The following TENM1 variants were observed in gnomAD, a reference collection of about 807,000 sequenced individuals.
The protein encoded by TENM1 is teneurin-1.
A neutral mutation model predicts 174.8 loss-of-function variants in TENM1; 35 were observed. The observed-to-expected ratio is 0.20, with a 90% CI of 0.15 to 0.27. The LOEUF is 0.27. TENM1 is among the 10% of genes least tolerant of loss of function. The pLI is 1.00. For synonymous variants in TENM1, 781 were observed against 798.7 expected (o/e 0.98, Z 0.37); for missense variants, 1,633 against 2,130.1 (o/e 0.77, Z 4.59).
intron 5 of TENM1, among the ~76,000 whole-genome samples, chrX:124,696,485 T>C (rs1603021321): frequency 9.0e-6 from 1 of 111,146 alleles, no homozygotes; most frequent in African/African-American, 3.3e-5. Context: ...CTTTCTTTCA[T>C]AGTGCAATAT....
At chrX:125,124,199 A>G in the TENM1 span, among the ~76,000 whole-genome samples, 2 of 112,665 alleles carry the variant, frequency 1.8e-5, no homozygotes, top group Non-Finnish European at 3.7e-5. Flanking sequence ...TTCAATTAAA[A>G]GGGCTTATCT....
chrX:124,649,247 C>A (rs2051236598), intron 8 of TENM1, among the ~76,000 whole-genome samples: 1 of 112,359 alleles, frequency 8.9e-6, no homozygotes, highest in Admixed American at 9.4e-5. Flanking sequence ...ATGCTACAGT[C>A]AAAAGCCCCT....
the TENM1 span, among the ~76,000 whole-genome samples, chrX:125,055,702 T>C: frequency 8.9e-6 from 1 of 111,865 alleles, no homozygotes; most frequent in African/African-American, 3.2e-5. Context: ...CCGAGGAGCA[T>C]GGATGTCCTC....
the TENM1 span, among the ~76,000 whole-genome samples, chrX:125,050,993 AG>A: frequency 8.9e-6 from 1 of 112,265 alleles, no homozygotes; most frequent in Non-Finnish European, 1.9e-5. Flanking sequence ...AGGCAACTTC[AG>A]CAAAGTCTCA....
At chrX:125,131,181 C>T in the TENM1 span, among the ~76,000 whole-genome samples, 1 of 112,211 alleles carries the variant, frequency 8.9e-6, no homozygotes, top group African/African-American at 3.2e-5. Flanking sequence ...AAATCCTAAG[C>T]TACTGTGGTT....
intron 3 of TENM1, among the ~76,000 whole-genome samples, chrX:124,864,020 G>A (rs975685157): frequency 8.9e-6 from 1 of 112,369 alleles, no homozygotes; most frequent in Non-Finnish European, 1.9e-5. Context: ...GTACCTCTAC[G>A]AGTCTGCAAG....
intron 15 of TENM1, among the ~76,000 whole-genome samples, chrX:124,545,454 T>C (rs1415687274): frequency 8.9e-6 from 1 of 112,207 alleles, no homozygotes; most frequent in Non-Finnish European, 1.9e-5. Flanking sequence ...CTTTCTCCCC[T>C]TACTTGAGTT....
chrX:124,716,754 G>C (rs1323457423), intron 4 of TENM1, among the ~76,000 whole-genome samples: 1 of 111,339 alleles, frequency 9.0e-6, no homozygotes, highest in Non-Finnish European at 1.9e-5. Context: ...GATCTTCCGG[G>C]TACACGCCAC....
At chrX:124,924,484 C>T (rs1212518480) in intron 1 of TENM1, among the ~76,000 whole-genome samples, 1 of 111,456 alleles carries the variant, frequency 9.0e-6, no homozygotes, top group Admixed American at 9.6e-5. Flanking sequence ...TCAAGGCTCT[C>T]TACCACAGAG....
intron 15 of TENM1, among the ~76,000 whole-genome samples, chrX:124,541,512 G>A (rs1331546463): frequency 8.9e-6 from 1 of 112,025 alleles, no homozygotes; most frequent in African/African-American, 3.2e-5. Flanking sequence ...AGCTTCCCGA[G>A]GCATCACCAG....
At chrX:124,627,166 C>G (rs2050656524) in intron 11 of TENM1, among the ~76,000 whole-genome samples, 1 of 111,361 alleles carries the variant, frequency 9.0e-6, no homozygotes, top group African/African-American at 3.3e-5. Context: ...CATTGACTCC[C>G]AAGGACCATT....
chrX:124,987,659 T>C, the TENM1 span, among the ~76,000 whole-genome samples: 26 of 110,098 alleles, frequency 2.4e-4, no homozygotes, highest in African/African-American at 8.3e-4. Context: ...AGTTAAGATG[T>C]TGACACTATG....
intron 28 of TENM1, 99 bp from the exon 32 acceptor site, chrX:124,386,163 C>A: frequency 1.2e-6 from 1 of 839,342 alleles, no homozygotes; most frequent in Non-Finnish European, 1.7e-6. Flanking sequence ...ATCAATCAAG[C>A]ACTTACTGTG....
chrX:124,950,428 A>T (rs1316473655), intron 1 of TENM1, among the ~76,000 whole-genome samples: 1 of 112,073 alleles, frequency 8.9e-6, no homozygotes, highest in Non-Finnish European at 1.9e-5. Context: ...GGAAAGGACC[A>T]GTGGAATTTT....
In TENM1 at chrX:124,845,745, T is replaced by G. The variant is rs766551167; in HGVS notation, c.535+48551A>C. Among the ~76,000 whole-genome samples, 4 of 109,866 alleles carry G rather than the reference T, an allele frequency of 3.6e-5. No homozygotes were observed. The South Asian group carries it at 1.6e-3, about 44-fold the overall frequency. On this transcript the variant is annotated intron_variant, in intron 3 of 31. Transcript: ENST00000422452. ...ACTTTTTAAGATAAGGTAGGGAAAT[T>G]ACAGGGTGTGATGGGGCATGTACGG... is the stretch of plus-strand genomic sequence containing the variant.
At chrX:124,441,115 C>G (rs892484504) in intron 23 of TENM1, among the ~76,000 whole-genome samples, 4 of 112,054 alleles carry the variant, frequency 3.6e-5, no homozygotes, top group African/African-American at 9.7e-5. Flanking sequence ...TTTTATCCCA[C>G]TTTTTATTGG....
intron 11 of TENM1, among the ~76,000 whole-genome samples, chrX:124,598,782 T>C (rs1270376247): frequency 9.0e-6 from 1 of 110,697 alleles, no homozygotes; most frequent in African/African-American, 3.3e-5. Context: ...GGGAGGGAGA[T>C]GGGGATGGTT....
chrX:124,969,364 C>T, the TENM1 span, among the ~76,000 whole-genome samples: 2 of 112,003 alleles, frequency 1.8e-5, no homozygotes, highest in African/African-American at 3.2e-5. Flanking sequence ...ACAAGACAAA[C>T]TCTAAGTGAC....
chrX:124,736,967 A>T, exon 4 of TENM1: 2 of 1,207,143 alleles, frequency 1.7e-6, no homozygotes, highest in Non-Finnish European at 2.2e-6. Flanking sequence ...CTGGTCTCCA[A>T]TGGTATGTTG....
Sources: allele counts gnomAD v4.1 joint callset (sites outside exome capture counted in the v4.1 genomes callset), GRCh38; gene constraint gnomAD v4.1.1; transcripts MANE v1.5; gene names NCBI Gene and HGNC (gene_info 2026-07-23, HGNC 2026-07-21).